Variants in UPB1 observed in about 807,000 individuals in gnomAD.
UPB1 encodes the protein beta-ureidopropionase.
A neutral mutation model predicts 49.1 loss-of-function variants in UPB1; 40 were observed. The observed-to-expected ratio is 0.81, with a 90% CI of 0.63 to 1.06. The LOEUF (loss-of-function observed/expected upper bound fraction) is 1.06. UPB1 is among the 50% of genes least tolerant of loss of function. UPB1 has a pLI of 0.00. For synonymous variants in UPB1, 207 were observed against 198.2 expected (o/e 1.04, Z -0.38); for missense variants, 499 against 505.9 (o/e 0.99, Z 0.13).
intron 6 of UPB1, among the ~76,000 whole-genome samples, chr22:24,517,646 T>C (rs67461685): frequency 6.6e-6 from 1 of 152,150 alleles, no homozygotes; most frequent in African/African-American, 2.4e-5. Flanking sequence ...AATATGCATA[T>C]AATTGCTATG....
intron 3 of UPB1, chr22:24,502,849 C>G: frequency 3.2e-6 from 1 of 315,722 alleles, no homozygotes; most frequent in South Asian, 4.7e-5. Context: ...CTTCGACATA[C>G]ATGTGTCCTT....
Position 24,505,435 on chromosome 22 carries a change from T to C in UPB1, c.364+3222T>C, listed in dbSNP as rs190449909. Among the ~76,000 whole-genome samples the C allele has an allele frequency of 5.9e-5, 9 of 152,362 alleles. No homozygotes were observed. The East Asian group carries it at 1.7e-3, about 29-fold the overall frequency. On this transcript the variant is annotated intron_variant, in intron 3 of 9. Coordinates refer to ENST00000326010, the MANE Select transcript of UPB1 (RefSeq NM_016327.3). ...CAGGTAATCCCAGTGTTAGTATCTCTGGGTCATTCTTTTCAGGCTGGTCAG... is the reference window on the plus strand; with the variant it reads ...CAGGTAATCCCAGTGTTAGTATCTCCGGGTCATTCTTTTCAGGCTGGTCAG...
intron 6 of UPB1, among the ~76,000 whole-genome samples, chr22:24,515,724 C>T (rs1177974154): frequency 6.6e-6 from 1 of 152,136 alleles, no homozygotes; most frequent in African/African-American, 2.4e-5. Flanking sequence ...ACCTGTAATC[C>T]CAGCACTTTG....
chr22:24,502,372 T>C, intron 3 of UPB1, 159 bp downstream of exon 3: 1 of 836,718 alleles, frequency 1.2e-6, no homozygotes, highest in Non-Finnish European at 2.1e-6. Context: ...CCGGCCTCCC[T>C]GCTGTTACGC....
chr22:24,515,293 C>T lies in UPB1; in HGVS notation c.714C>T (p.His238=), dbSNP rs370757106. The T allele has an allele frequency of 1.7e-5, 27 of 1,614,060 alleles. No individual in the cohort carries two copies. The highest frequency in any genetic ancestry group is 2.1e-5 in the Non-Finnish European group (25 of 1,180,054). ...IAVNICYGRH[H]PLNWLMYSIN... is the part of the protein sequence containing the mutation. ...TGAACATTTGCTACGGGCGGCACCA[C>T]CCCCTCAACTGGCTTATGTACAGCA... Residue 238 remains histidine (H), a synonymous_variant, in exon 6 of 10, where the codon CAC becomes CAT. Transcript: ENST00000326010.
At chr22:24,501,916 G>A (rs186045012) in intron 2 of UPB1, among the ~76,000 whole-genome samples, 13 of 152,320 alleles carry the variant, frequency 8.5e-5, no homozygotes, top group Non-Finnish European at 5.9e-5. Context: ...AACTGAGGCA[G>A]TGTCCAAGTG....
intron 5 of UPB1, 62 bp downstream of exon 5, chr22:24,513,547 CTCTGTGGGACTT>C: frequency 2.5e-6 from 4 of 1,569,522 alleles, no homozygotes; most frequent in South Asian, 2.3e-5. Context: ...TGTTGTAGAT[CTCTGTGGGACTT>C]TCTGTGGGGA....
chr22:24,523,806 C>T (rs770315502), intron 9 of UPB1, 33 bp downstream of exon 9: 168 of 1,613,624 alleles, frequency 1.0e-4, no homozygotes, highest in Middle Eastern at 4.9e-4. Flanking sequence ...GTTGCCTGCT[C>T]CTCTGCTTTG....
In UPB1 at chr22:24,515,275, T is replaced by G. The variant is rs913444862; in HGVS notation, c.696T>G (p.Ile232Met). ...QTQFGRIAVN[I>M]CYGRHHPLNW... Reference sequence around the variant, plus strand: ...AGTTCGGAAGGATCGCGGTGAACATTTGCTACGGGCGGCACCACCCCCTCA... The same window carrying G: ...AGTTCGGAAGGATCGCGGTGAACATGTGCTACGGGCGGCACCACCCCCTCA... Residue 232 changes from isoleucine to methionine, a missense_variant, in exon 6 of 10, where the codon ATT becomes ATG. Physicochemically the swap from Ile to Met is conservative, Grantham distance 10. Coordinates refer to ENST00000326010, the MANE Select transcript of UPB1 (RefSeq NM_016327.3). 4 of 1,614,018 alleles carry G rather than the reference T, an allele frequency of 2.5e-6. No individual in the cohort carries two copies. The African/African-American group carries it at 5.3e-5, about 22-fold the overall frequency.
chr22:24,499,159 AG>A (rs2043943553), intron 1 of UPB1, among the ~76,000 whole-genome samples: 1 of 152,136 alleles, frequency 6.6e-6, no homozygotes, highest in African/African-American at 2.4e-5. Flanking sequence ...AGTGCCTGGC[AG>A]GGGGCGGCGA....
At chr22:24,514,027 AG>A (rs1375298465) in intron 5 of UPB1, among the ~76,000 whole-genome samples, 2 of 152,110 alleles carry the variant, frequency 1.3e-5, no homozygotes, top group Admixed American at 6.5e-5. Context: ...TCAGGGCATA[AG>A]TTGGGGGGGC....
chr22:24,498,055 A>G lies in UPB1; in HGVS notation c.105-2052A>G, dbSNP rs983117319. ...TTTATTCCTCACAGTTCTGAATGCTATGAAGTCCAAGATCAAGGTGCCACA... is the reference window on the plus strand; with the variant it reads ...TTTATTCCTCACAGTTCTGAATGCTGTGAAGTCCAAGATCAAGGTGCCACA... On this transcript the variant is annotated intron_variant, in intron 1 of 9. Transcript: ENST00000326010. Among the ~76,000 whole-genome samples, 5 of 152,188 alleles carry G rather than the reference A, an allele frequency of 3.3e-5. No individual in the cohort carries two copies. The East Asian group carries it at 9.6e-4, about 29-fold the overall frequency.
At chr22:24,520,185 T>C in intron 6 of UPB1, 2 of 637,756 alleles carry the variant, frequency 3.1e-6, no homozygotes, top group Admixed American at 2.4e-5. Flanking sequence ...GAGGACAGGC[T>C]GGCCTGGTTG....
At chr22:24,499,707 C>T (rs1453354510) in intron 1 of UPB1, among the ~76,000 whole-genome samples, 1 of 152,236 alleles carries the variant, frequency 6.6e-6, no homozygotes, top group African/African-American at 2.4e-5. Flanking sequence ...CAGCCTGCCT[C>T]ACACCCTAGG....
chr22:24,508,911 C>CT (rs980893002), intron 3 of UPB1, among the ~76,000 whole-genome samples: 1 of 151,182 alleles, frequency 6.6e-6, no homozygotes, highest in African/African-American at 2.4e-5. Context: ...AAGAAATGCA[C>CT]TTGGGTTATT....
intron 9 of UPB1, among the ~76,000 whole-genome samples, chr22:24,524,303 G>A (rs773130611): frequency 6.6e-6 from 1 of 152,062 alleles, no homozygotes; most frequent in African/African-American, 2.4e-5. Context: ...TAAAATACGG[G>A]GCTTAACTCG....
intron 1 of UPB1, among the ~76,000 whole-genome samples, chr22:24,498,636 TG>T (rs1328895049): frequency 2.0e-5 from 3 of 152,026 alleles, no homozygotes; most frequent in Admixed American, 1.3e-4. Context: ...AGGCATCACT[TG>T]GGGGAAGAAG....
At position 24,496,635 on chromosome 22, in the gene UPB1, GC is replaced by G. The variant is rs200541560; in HGVS notation, c.104+1130del. On this transcript the variant is annotated intron_variant, in intron 1 of 9. Coordinates refer to ENST00000326010, the MANE Select transcript of UPB1 (RefSeq NM_016327.3). ...GGGGCTATTTGCTATGTGGAGGTGGGCCTCAGGTGGGCGAGGCTGGGCTTGT... is the reference window on the plus strand; with the variant it reads ...GGGGCTATTTGCTATGTGGAGGTGGGCTCAGGTGGGCGAGGCTGGGCTTGT... Among the ~76,000 whole-genome samples, 149 of 152,290 alleles carry G rather than the reference GC, an allele frequency of 9.8e-4. No individual in the cohort carries two copies. In the East Asian group the frequency reaches 0.017, roughly 17 times the overall value.
chr22:24,506,732 C>T (rs1163216033), intron 3 of UPB1, among the ~76,000 whole-genome samples: 1 of 152,238 alleles, frequency 6.6e-6, no homozygotes, highest in East Asian at 1.9e-4. Context: ...CAACTCTCCA[C>T]CCACCCCTGT....
Sources: allele counts gnomAD v4.1 joint callset (sites outside exome capture counted in the v4.1 genomes callset), GRCh38; gene constraint gnomAD v4.1.1; transcripts MANE v1.5; gene names NCBI Gene and HGNC (gene_info 2026-07-23, HGNC 2026-07-21).